The following DNAH2 variants were observed in gnomAD, a reference collection of about 807,000 sequenced individuals.
DNAH2 encodes axonemal beta dynein heavy chain 2.
Under a neutral mutation model 523.5 loss-of-function variants are expected in DNAH2, and 323 were observed. That is an observed-to-expected ratio of 0.62 (90% CI 0.56 to 0.68). The LOEUF (loss-of-function observed/expected upper bound fraction) is 0.68. DNAH2 is among the 30% of genes least tolerant of loss of function. The pLI, the probability that DNAH2 is intolerant of heterozygous loss-of-function variation, is 0.00. For synonymous variants in DNAH2, 2,093 were observed against 2,177.4 expected, an observed-to-expected ratio of 0.96 and a Z score of 1.08; for missense variants, 4,907 against 5,701.5, an observed-to-expected ratio of 0.86 and a Z score of 4.49.
intron 28 of DNAH2, among the ~76,000 whole-genome samples, chr17:7,771,921 T>C (rs1334530023): frequency 6.6e-6 from 1 of 152,108 alleles, no homozygotes; most frequent in African/African-American, 2.4e-5. Flanking sequence ...TTCACCAAGT[T>C]GGCCAGGCTG....
chr17:7,772,092 A>T (rs2076334025), intron 28 of DNAH2, among the ~76,000 whole-genome samples: 1 of 152,124 alleles, frequency 6.6e-6, no homozygotes, highest in African/African-American at 2.4e-5. Context: ...AAAGGGATGA[A>T]CACACGGCAA....
Position 7,798,192 on chromosome 17 carries a change from G to A in DNAH2, c.8266G>A (p.Gly2756Ser), listed in dbSNP as rs754116174. The A allele has an allele frequency of 6.2e-6, 10 of 1,610,716 alleles. No homozygotes were observed. Among genetic ancestry groups the A allele is most frequent in the East Asian group, 2.2e-5 (1 of 44,740 alleles). Reference protein sequence around the residue: ...RIVRVIGQPRGNMLLVGIGGS... With the variant: ...RIVRVIGQPRSNMLLVGIGGS... ...CGTGCGGGTCATTGGACAGCCTCGG[G>A]GCAACATGCTCCTGGTGGGTATCGG... Residue 2756 changes from glycine to serine, a missense_variant, in exon 54 of 86, where the codon GGC becomes AGC. Transcript: ENST00000572933. This position sits in a 1 kb window ranked among gnomAD's most constrained non-coding sequence, Gnocchi z 5.5.
chr17:7,763,708 A>G (rs966173222), intron 18 of DNAH2, 123 bp from the exon 19 acceptor site: 2 of 1,129,750 alleles, frequency 1.8e-6, no homozygotes, highest in Non-Finnish European at 2.6e-6. Context: ...TGGGAGTAGA[A>G]GAACACTCTA....
chr17:7,730,316 C>A (rs1597465895), intron 4 of DNAH2, among the ~76,000 whole-genome samples: 2 of 152,086 alleles, frequency 1.3e-5, no homozygotes, highest in East Asian at 3.8e-4. Context: ...GAGGTAATCA[C>A]CGTGTATGCA....
intron 7 of DNAH2, among the ~76,000 whole-genome samples, chr17:7,736,575 T>G (rs1335097950): frequency 2.0e-5 from 3 of 152,190 alleles, no homozygotes; most frequent in Non-Finnish European, 4.4e-5. Context: ...AAAGTTGACA[T>G]GTGCTAACTC....
rs762066668 is a variant in DNAH2, at chr17:7,818,018, C to G, written c.10309C>G (p.Pro3437Ala). The G allele has an allele frequency of 1.9e-6, 3 of 1,614,086 alleles. No homozygotes were observed. The highest frequency in any genetic ancestry group is 2.5e-6 in the Non-Finnish European group (3 of 1,180,016). ...AGAACACGCCATTCACTTTGGATAC[C>G]CGGTGCTACTTCAGAACGTGCAGGA... Reference protein sequence around the residue: ...ILEHAIHFGYPVLLQNVQEYL... With the variant: ...ILEHAIHFGYAVLLQNVQEYL... Residue 3437 changes from proline (P) to alanine (A), a missense_variant, in exon 68 of 86, where the codon CCG becomes GCG. By Grantham distance (27) the Pro-to-Ala change is conservative (BLOSUM62 -1). This residue lies in a region of DNAH2 where 1,851 missense variants were observed against 2,139.4 expected (regional missense o/e 0.87). Transcript: ENST00000572933.
chr17:7,785,494 A>G (rs894934410), intron 39 of DNAH2, among the ~76,000 whole-genome samples: 20 of 152,182 alleles, frequency 1.3e-4, no homozygotes, highest in African/African-American at 4.3e-4. Context: ...ATACTAATAA[A>G]ACTACTTCTC....
At chr17:7,788,897 G>A (rs1420738522) in intron 44 of DNAH2, among the ~76,000 whole-genome samples, 1 of 152,206 alleles carries the variant, frequency 6.6e-6, no homozygotes, top group African/African-American at 2.4e-5. Context: ...GGGCACGGTG[G>A]CTCACGCCTG....
chr17:7,797,056 T>G, intron 50 of DNAH2, 120 bp from the exon 51 acceptor site: 1 of 874,640 alleles, frequency 1.1e-6, no homozygotes, highest in Non-Finnish European at 1.8e-6. Flanking sequence ...GAGCTGAGAT[T>G]GCACCACTGC....
chr17:7,782,393 A>C (rs1452619079), intron 39 of DNAH2, among the ~76,000 whole-genome samples: 1 of 152,182 alleles, frequency 6.6e-6, no homozygotes, highest in Non-Finnish European at 1.5e-5. Flanking sequence ...CATTTATCCT[A>C]CTGTGTAATC....
At position 7,816,551 on chromosome 17, in the gene DNAH2, T is replaced by C; in HGVS notation, c.9730-20T>C. On this transcript the variant is annotated intron_variant, in intron 63 of 85. Coordinates refer to ENST00000572933, the MANE Select transcript of DNAH2 (RefSeq NM_020877.5). ...GCTGCGAGCCCTGTGTTTGATGCGC[T>C]ATACTCGAATCTCTCCCAGGTAGCT... 5.6e-6 allele frequency: 9 copies of C among 1,614,000 alleles called. No individual in the cohort carries two copies. The highest frequency in any genetic ancestry group is 7.6e-6 in the Non-Finnish European group (9 of 1,179,904).
At chr17:7,767,841 T>C (rs956757630) in intron 22 of DNAH2, 59 bp from the exon 23 acceptor site, 7 of 1,607,558 alleles carry the variant, frequency 4.4e-6, no homozygotes, top group Non-Finnish European at 5.9e-6. Flanking sequence ...GGCCTGGGCG[T>C]CCGTCAGGGA....
intron 13 of DNAH2, among the ~76,000 whole-genome samples, chr17:7,758,252 G>A (rs927016229): frequency 3.3e-5 from 5 of 152,158 alleles, no homozygotes; most frequent in Non-Finnish European, 4.4e-5. Context: ...AGCACACATC[G>A]CATTAAGTTG....
At chr17:7,817,747 A>C in intron 66 of DNAH2, 38 bp downstream of exon 66, 2 of 1,614,112 alleles carry the variant, frequency 1.2e-6, no homozygotes, top group Non-Finnish European at 1.7e-6. Flanking sequence ...GTACGGGAGC[A>C]TGGGAGAGAG....
rs553348759 is a variant in DNAH2, at chr17:7,780,288, C to T, written c.5850+4C>T. ...AGAGGGCTTTGGCAACTGCAAGGTA[C>T]TCCAATAACCCCTTTTCTCCAGTGA... On this transcript the variant is annotated splice_donor_region_variant and intron_variant, in intron 37 of 85. Coordinates refer to ENST00000572933, the MANE Select transcript of DNAH2 (RefSeq NM_020877.5). The surrounding 1 kb of genome is among the most constrained non-coding windows in gnomAD (Gnocchi z 4.4). 86 of 1,613,914 alleles carry T rather than the reference C, an allele frequency of 5.3e-5. No individual in the cohort carries two copies. The highest frequency in any genetic ancestry group is 6.9e-5 in the Non-Finnish European group (81 of 1,180,022).
chr17:7,718,317 T>C lies in DNAH2; in HGVS notation c.-497T>C, dbSNP rs1006029332. 6.6e-6 allele frequency: 1 copy of C among 152,184 alleles called. No individual in the cohort carries two copies. The highest frequency in any genetic ancestry group is 2.4e-5 in the African/African-American group (1 of 41,442). 9.4% of individuals were successfully genotyped at this position (152,184 alleles called of 1,614,324 possible). A position where few individuals can be genotyped will look rare whatever the true frequency, so the allele number is the denominator to read the frequency against. On this transcript the variant is annotated 5_prime_UTR_variant, in exon 1 of 86. Transcript: ENST00000572933. ...AGCCTCCTTGCTGTAGTTGGTTTTA[T>C]TGATTTGCTGGCCTAACAGAACGTT...
rs1177422352 is a variant in DNAH2 at position 7,779,423 on chromosome 17, G to A, written c.5722G>A (p.Gly1908Ser). 2 of 1,612,986 alleles carry A rather than the reference G, an allele frequency of 1.2e-6. No individual in the cohort carries two copies. The highest frequency in any genetic ancestry group is 1.7e-6 in the Non-Finnish European group (2 of 1,179,558). The change falls in exon 36 of 86, where the codon GGC (glycine) becomes AGC (serine). Residue 1908 changes from glycine (G) to serine (S), a missense_variant and splice_region_variant. By Grantham distance (56) the Gly-to-Ser change is moderately conservative. Coordinates refer to ENST00000572933, the MANE Select transcript of DNAH2 (RefSeq NM_020877.5). ...SCGIFITMNP[G>S]YAGRTELPEN... ...TGGGATCTTCATTACCATGAATCCTGGTAGGTGGCAGGGAGTGGATGGGAC... is the reference window on the plus strand; with the variant it reads ...TGGGATCTTCATTACCATGAATCCTAGTAGGTGGCAGGGAGTGGATGGGAC...
At chr17:7,752,339 C>T (rs1287704614) in intron 12 of DNAH2, among the ~76,000 whole-genome samples, 9 of 152,086 alleles carry the variant, frequency 5.9e-5, no homozygotes, top group Non-Finnish European at 1.2e-4. Flanking sequence ...GCAACTTTTA[C>T]AAATATGTTT....
intron 12 of DNAH2, among the ~76,000 whole-genome samples, chr17:7,756,557 G>A (rs1452054479): frequency 2.0e-5 from 3 of 151,970 alleles, no homozygotes; most frequent in Admixed American, 2.0e-4. Flanking sequence ...TTAGGTGTGA[G>A]CCACTGTGCC....
Sources: allele counts gnomAD v4.1 joint callset (sites outside exome capture counted in the v4.1 genomes callset), GRCh38; gene constraint gnomAD v4.1.1; regional missense constraint gnomAD v4.1.1; non-coding constraint Gnocchi (gnomAD v3.1); transcripts MANE v1.5; gene names NCBI Gene and HGNC (gene_info 2026-07-23, HGNC 2026-07-21).